The following RGS19 variants were observed in gnomAD, a reference collection of about 807,000 sequenced individuals.
RGS19 encodes regulator of G protein signaling 19, also known as G alpha interacting protein.
RGS19 carries 9 observed loss-of-function variants against 22.0 expected under a neutral mutation model. That is an observed-to-expected ratio of 0.41 (90% CI 0.25 to 0.71). RGS19 has a LOEUF of 0.71. RGS19 is among the 30% of genes least tolerant of loss of function. RGS19 has a pLI of 0.32. For synonymous variants in RGS19, 130 were observed against 127.3 expected (o/e 1.02, Z -0.14); for missense variants, 256 against 307.1 (o/e 0.83, Z 1.24).
Position 64,076,590 on chromosome 20 carries a change from G to A in RGS19, c.87C>T (p.Ala29=). The A allele has an allele frequency of 1.2e-6, 2 of 1,612,286 alleles. No homozygotes were observed. Among genetic ancestry groups the A allele is most frequent in the South Asian group, 2.2e-5 (2 of 91,040 alleles). Residue 29 remains alanine, a synonymous_variant, in exon 3 of 6, where the codon GCC becomes GCT. Coordinates refer to ENST00000395042, the MANE Select transcript of RGS19 (RefSeq NM_005873.3). The stretch of plus-strand genomic sequence containing the variant: ...GGTTGCGGCTGGGGGCCGCTGGAGA[G>A]GCTGTATCATGACTGGACATTGAAG... ...RPPSMSSHDT[A]SPAAPSRNPC...
intron 1 of RGS19, among the ~76,000 whole-genome samples, chr20:64,077,171 C>G (rs1033541306): frequency 6.6e-6 from 1 of 152,150 alleles, no homozygotes; most frequent in Non-Finnish European, 1.5e-5. Context: ...TCTGGCCCCT[C>G]CTCCCAGGCT....
intron 3 of RGS19, 45 bp from the exon 4 acceptor site, chr20:64,074,586 C>T: frequency 6.6e-7 from 1 of 1,514,778 alleles, no homozygotes; most frequent in South Asian, 1.2e-5. Context: ...ACACACGCCT[C>T]CACGGCCACA....
At chr20:64,076,078 T>C (rs1311767283) in intron 3 of RGS19, among the ~76,000 whole-genome samples, 1 of 152,084 alleles carries the variant, frequency 6.6e-6, no homozygotes, top group East Asian at 1.9e-4. Context: ...ACAGGGTTTC[T>C]GCACATTGGT....
chr20:64,079,064 CA>C lies in RGS19; in HGVS notation c.-69+229del, dbSNP rs1387504209. ...CCATTCTCAGTCCTTAGCTCCTACC[CA>C]GGGCCTTTCCCATCTGCCACCCTCC... On this transcript the variant is annotated intron_variant, in intron 1 of 5. Transcript: ENST00000395042. This position sits in a 1 kb window ranked among gnomAD's most constrained non-coding sequence, Gnocchi z 5.1. Among the ~76,000 whole-genome samples the C allele has an allele frequency of 6.6e-6, 1 of 152,164 alleles. No individual in the cohort carries two copies. The highest frequency in any genetic ancestry group is 1.9e-4 in the East Asian group (1 of 5,184).
rs758109258 is a variant in RGS19 at position 64,073,870 on chromosome 20, A to C, written c.637T>G (p.Ser213Ala). Residue 213 changes from serine (S) to alanine (A), a missense_variant, in exon 6 of 6, where the codon TCC becomes GCC. By Grantham distance (99) the Ser-to-Ala change is moderately conservative (BLOSUM62 1). Transcript: ENST00000395042. Reference protein sequence around the residue: ...RALLLQGPSQSSSEA With the variant: ...RALLLQGPSQASSEA Reference sequence around the variant, plus strand: ...GGGGCGGCCTAGGCCTCGGAGGAGGACTGTGATGGCCCCTGCAGCAGCAGG... The same window carrying C: ...GGGGCGGCCTAGGCCTCGGAGGAGGCCTGTGATGGCCCCTGCAGCAGCAGG... 6.2e-7 allele frequency: 1 copy of C among 1,611,980 alleles called. No individual in the cohort carries two copies. Among genetic ancestry groups the C allele is most frequent in the Non-Finnish European group, 8.5e-7 (1 of 1,178,936 alleles).
upstream of RGS19, chr20:64,079,856 T>C (rs2059946640): frequency 6.7e-6 from 1 of 148,978 alleles, no homozygotes; most frequent in Non-Finnish European, 1.5e-5. The surrounding 1 kb of genome is among the most constrained non-coding windows in gnomAD (Gnocchi z 5.1). Flanking sequence ...TCCCCGGCGC[T>C]GCGCGCGCGC....
At chr20:64,076,123 C>T (rs778819716) in intron 3 of RGS19, among the ~76,000 whole-genome samples, 3 of 152,184 alleles carry the variant, frequency 2.0e-5, no homozygotes, top group East Asian at 1.9e-4. Flanking sequence ...TCAGGTGATC[C>T]GCCCACCTTG....
In RGS19 at chr20:64,073,737, G is replaced by A. The variant is rs1442904752; in HGVS notation, c.*116C>T. On this transcript the variant is annotated 3_prime_UTR_variant, in exon 6 of 6. Coordinates refer to ENST00000395042, the MANE Select transcript of RGS19 (RefSeq NM_005873.3). ...CCACTGGGTCTAGGACCGTCTCCGCGGGTGGGGACCCCAGCCGGCCAGGCA... is the reference window on the plus strand; with the variant it reads ...CCACTGGGTCTAGGACCGTCTCCGCAGGTGGGGACCCCAGCCGGCCAGGCA... 7.7e-6 allele frequency: 7 copies of A among 911,808 alleles called. No homozygotes were observed. Among genetic ancestry groups the A allele is most frequent in the African/African-American group, 1.7e-5 (1 of 59,888 alleles). The allele number at this position is 911,808 out of a possible 1,614,324, so 56.5% of individuals were successfully genotyped here.
chr20:64,079,944 G>C (rs2059947598), upstream of RGS19: 1 of 147,896 alleles, frequency 6.8e-6, no homozygotes, highest in Non-Finnish European at 1.5e-5. The surrounding 1 kb of genome is among the most constrained non-coding windows in gnomAD (Gnocchi z 5.1). Context: ...CAGTCGGGGA[G>C]GGGGCGCGGG....
rs2059897423 is a variant in RGS19 at position 64,075,419 on chromosome 20, C to CCAGGG, written c.153-879_153-878insCCCTG. Among the ~76,000 whole-genome samples the CCAGGG allele has an allele frequency of 2.0e-5, 3 of 152,310 alleles. No individual in the cohort carries two copies. In the East Asian group the frequency reaches 5.8e-4, roughly 29 times the overall value. On this transcript the variant is annotated intron_variant, in intron 3 of 5. Coordinates refer to ENST00000395042, the MANE Select transcript of RGS19 (RefSeq NM_005873.3). The surrounding 1 kb of genome is among the most constrained non-coding windows in gnomAD (Gnocchi z 4.6). ...TGGACCCAAATCCATACCCGGCTGA[C>CCAGGG]CTCTCTCCAGGGCACTTGGATGGCT...
In RGS19 at chr20:64,076,928, C is replaced by A; in HGVS notation, c.-42G>T. On this transcript the variant is annotated 5_prime_UTR_variant, in exon 2 of 6. Transcript: ENST00000395042. ...TTGCCCAGGCTCCGTGGTACCAGCT[C>A]TCAGACCCTCACCACAGCCTGGGGG... 6.7e-7 allele frequency: 1 copy of A among 1,486,224 alleles called. No homozygotes were observed. Among genetic ancestry groups the A allele is most frequent in the Non-Finnish European group, 8.9e-7 (1 of 1,121,018 alleles). The allele number at this position is 1,486,224 out of a possible 1,614,324, so 92.1% of individuals were successfully genotyped here.
upstream of RGS19, chr20:64,079,754 G>A (rs989410024): frequency 6.6e-6 from 1 of 151,590 alleles, no homozygotes; most frequent in African/African-American, 2.4e-5. The surrounding 1 kb of genome is among the most constrained non-coding windows in gnomAD (Gnocchi z 5.1). Context: ...CCTGGCGGCG[G>A]GAGCCCTTGG....
Position 64,079,008 on chromosome 20 carries a change from T to C in RGS19, c.-69+286A>G, listed in dbSNP as rs552188219. On this transcript the variant is annotated intron_variant, in intron 1 of 5. Coordinates refer to ENST00000395042, the MANE Select transcript of RGS19 (RefSeq NM_005873.3). The surrounding 1 kb of genome is among the most constrained non-coding windows in gnomAD (Gnocchi z 5.1). ...GTGACAATCCCAGAAAAAAATGTCA[T>C]AACCTTTGGGAGGGGGGTTGAAGAG... Among the ~76,000 whole-genome samples the C allele has an allele frequency of 3.9e-4, 59 of 152,262 alleles. No individual in the cohort carries two copies. Among genetic ancestry groups the C allele is most frequent in the Non-Finnish European group, 7.6e-4 (52 of 67,996 alleles).
At chr20:64,076,996 C>A in intron 1 of RGS19, 42 bp from the exon 2 acceptor site, 1 of 1,047,558 alleles carries the variant, frequency 9.5e-7, no homozygotes, top group Non-Finnish European at 1.3e-6. Flanking sequence ...ACCTGAAACC[C>A]CAGCCCCTGC....
rs1355452534 is a variant in RGS19, at chr20:64,075,521, CT to C, written c.153-981del. Among the ~76,000 whole-genome samples the C allele has an allele frequency of 6.6e-6, 1 of 152,184 alleles. No individual in the cohort carries two copies. Among genetic ancestry groups the C allele is most frequent in the Non-Finnish European group, 1.5e-5 (1 of 68,024 alleles). ...TCCCACCCCCTTTCCCGACTGCCCC[CT>C]GGCCACCCCCAGCTTGCCCGTGGGT... is the stretch of plus-strand genomic sequence containing the variant. On this transcript the variant is annotated intron_variant, in intron 3 of 5. Transcript: ENST00000395042. The surrounding 1 kb of genome is among the most constrained non-coding windows in gnomAD (Gnocchi z 4.6).
In RGS19 at chr20:64,074,483, G is replaced by T. The variant is rs1344002839; in HGVS notation, c.211C>A (p.Pro71Thr). 1 of 1,584,984 alleles carries T rather than the reference G, an allele frequency of 6.3e-7. No individual in the cohort carries two copies. The highest frequency in any genetic ancestry group is 1.1e-5 in the South Asian group (1 of 87,502). The change falls in exon 4 of 6, where the codon CCC (proline) becomes ACC (threonine). Residue 71 changes from proline (P) to threonine (T), a missense_variant. Pro to Thr is a conservative substitution (Grantham distance 38). Transcript: ENST00000395042. ...TGGACTCACCATACTTCACAGCTGG[G>T]GAGGGGCTGCAGCTTGCTCTCCCGG... ...ASRESKLQPL[P>T]SCEVCATPSP... is the part of the protein sequence containing the mutation.
At position 64,073,222 on chromosome 20, in the gene RGS19, T is replaced by G. The variant is rs555545564; in HGVS notation, c.*631A>C. On this transcript the variant is annotated 3_prime_UTR_variant, in exon 6 of 6. Coordinates refer to ENST00000395042, the MANE Select transcript of RGS19 (RefSeq NM_005873.3). Reference sequence around the variant, plus strand: ...CTTCAATAATAAGACATCCTATTTTTGGGGGGTTAGGGATAGAGATAAATA... The same window carrying G: ...CTTCAATAATAAGACATCCTATTTTGGGGGGGTTAGGGATAGAGATAAATA... 1 of 152,362 alleles carries G rather than the reference T, an allele frequency of 6.6e-6. No individual in the cohort carries two copies. Among genetic ancestry groups the G allele is most frequent in the Non-Finnish European group, 1.5e-5 (1 of 68,028 alleles). The allele number at this position is 152,362 out of a possible 1,614,324, so 9.4% of individuals were successfully genotyped here.
chr20:64,077,892 G>A (rs1457102051), intron 1 of RGS19, among the ~76,000 whole-genome samples: 1 of 152,184 alleles, frequency 6.6e-6, no homozygotes, highest in East Asian at 1.9e-4. Flanking sequence ...GGGCCAATCA[G>A]TGCCCCGGAG....
rs1444857528 is a variant in RGS19 at position 64,073,885 on chromosome 20, G to A, written c.622C>T (p.Gln208Ter). The A allele has an allele frequency of 6.2e-7, 1 of 1,612,998 alleles. No individual in the cohort carries two copies. Among genetic ancestry groups the A allele is most frequent in the Non-Finnish European group, 8.5e-7 (1 of 1,179,654 alleles). The change falls in exon 6 of 6, where the codon CAG becomes TAG. Residue 208 changes from glutamine to a stop codon, truncating the protein, a stop_gained. Coordinates refer to ENST00000395042, the MANE Select transcript of RGS19 (RefSeq NM_005873.3). LOFTEE classifies it high-confidence loss of function. ...TCGGAGGAGGACTGTGATGGCCCCT[G>A]CAGCAGCAGGGCACGGTAGGTGGGA... ...SSPTYRALLL[Q>*]GPSQSSSEA
Sources: allele counts gnomAD v4.1 joint callset (sites outside exome capture counted in the v4.1 genomes callset), GRCh38; gene constraint gnomAD v4.1.1; non-coding constraint Gnocchi (gnomAD v3.1); transcripts MANE v1.5; gene names NCBI Gene and HGNC (gene_info 2026-07-23, HGNC 2026-07-21).